Variants in ZCCHC14 observed in about 807,000 individuals in gnomAD.
The protein encoded by ZCCHC14 is zinc finger CCHC domain-containing protein 14.
Under a neutral mutation model 85.0 loss-of-function variants are expected in ZCCHC14, and 16 were observed. The ratio of observed to expected loss-of-function variants is 0.19; its 90% CI spans 0.13 to 0.29. ZCCHC14 has a LOEUF of 0.29. Ranked by LOEUF, ZCCHC14 falls within the 10% of genes least tolerant of loss-of-function variation. ZCCHC14 has a pLI of 1.00. For synonymous variants in ZCCHC14, 775 were observed against 630.7 expected (o/e 1.23, Z -3.43); for missense variants, 1,303 against 1,443.5 (o/e 0.90, Z 1.58).
chr16:87,489,102 T>C (rs1389833333), intron 1 of ZCCHC14, among the ~76,000 whole-genome samples: 1 of 152,012 alleles, frequency 6.6e-6, no homozygotes, highest in East Asian at 1.9e-4. Context: ...TTCATCTGAG[T>C]TGCATGCTCC....
intron 3 of ZCCHC14, among the ~76,000 whole-genome samples, chr16:87,428,643 G>A (rs1393046643): frequency 6.6e-6 from 1 of 152,176 alleles, no homozygotes; most frequent in Non-Finnish European, 1.5e-5. Flanking sequence ...GGGCACCTGT[G>A]AGCCATGCCC....
intron 2 of ZCCHC14, among the ~76,000 whole-genome samples, chr16:87,441,272 G>T (rs142955922): frequency 6.6e-6 from 1 of 152,172 alleles, no homozygotes; most frequent in African/African-American, 2.4e-5. Context: ...GATTACAGGC[G>T]TGAGCCACCA....
chr16:87,422,858 C>T (rs1169353859), intron 4 of ZCCHC14, among the ~76,000 whole-genome samples: 1 of 151,852 alleles, frequency 6.6e-6, no homozygotes, highest in East Asian at 1.9e-4. Context: ...CACACAGAGG[C>T]GAGGAGATTT....
chr16:87,424,985 C>G (rs1909293412), intron 3 of ZCCHC14, among the ~76,000 whole-genome samples: 1 of 152,154 alleles, frequency 6.6e-6, no homozygotes, highest in Non-Finnish European at 1.5e-5. Flanking sequence ...GGCACCCAAA[C>G]CACCTCTGCT....
rs1397025131 is a variant in ZCCHC14 at position 87,492,647 on chromosome 16, C to T, written c.-409G>A. ...CGGGAGGCGGCCGCCCCCATCTCCCCCCGCGCCGCAGGGTCTGTCACTGCG... is the reference window on the plus strand; with the variant it reads ...CGGGAGGCGGCCGCCCCCATCTCCCTCCGCGCCGCAGGGTCTGTCACTGCG... On this transcript the variant is annotated 5_prime_UTR_variant, in exon 1 of 13. Transcript: ENST00000671377. This position sits in a 1 kb window ranked among gnomAD's most constrained non-coding sequence, Gnocchi z 6.7. The T allele has an allele frequency of 2.1e-5, 3 of 145,936 alleles. No individual in the cohort carries two copies. The East Asian group carries it at 6.0e-4, about 29-fold the overall frequency. 9.0% of individuals were successfully genotyped at this position (145,936 alleles called of 1,614,324 possible).
chr16:87,419,891 A>G lies in ZCCHC14; in HGVS notation c.951-14T>C. On this transcript the variant is annotated splice_polypyrimidine_tract_variant and intron_variant, in intron 5 of 12. Coordinates refer to ENST00000671377, the MANE Select transcript of ZCCHC14 (RefSeq NM_015144.3). ...GAGGCCAGGTACCTAAAAGGCAAAC[A>G]AGTGGTCTTATCAACATTAAAATGG... 1.3e-6 allele frequency: 2 copies of G among 1,593,458 alleles called. No individual in the cohort carries two copies. The highest frequency in any genetic ancestry group is 1.7e-6 in the Non-Finnish European group (2 of 1,172,476).
At chr16:87,436,187 C>T (rs1440442360) in intron 2 of ZCCHC14, among the ~76,000 whole-genome samples, 3 of 152,256 alleles carry the variant, frequency 2.0e-5, no homozygotes, top group African/African-American at 7.2e-5. Context: ...AGTCATATTT[C>T]ATATCTGGAC....
At position 87,423,643 on chromosome 16, in the gene ZCCHC14, A is replaced by C. The variant is rs1909218988; in HGVS notation, c.840+167T>G. 2.0e-5 allele frequency among the ~76,000 whole-genome samples: 3 copies of C among 152,352 alleles called. No homozygotes were observed. The South Asian group carries it at 6.2e-4, about 32-fold the overall frequency. ...CGGACCTGTGCTCGCAGCAACGCTC[A>C]TGTCAGCAGCGGGCCTGGGACTCCA... On this transcript the variant is annotated intron_variant, in intron 4 of 12. Transcript: ENST00000671377.
intron 3 of ZCCHC14, among the ~76,000 whole-genome samples, chr16:87,426,211 C>G (rs143649893): frequency 6.6e-6 from 1 of 152,148 alleles, no homozygotes; most frequent in Non-Finnish European, 1.5e-5. Flanking sequence ...GCCGACTTGC[C>G]CCAGAGAGCC....
intron 9 of ZCCHC14, among the ~76,000 whole-genome samples, 200 bp from the exon 10 acceptor site, chr16:87,414,741 T>C (rs1908691641): frequency 6.6e-6 from 1 of 152,220 alleles, no homozygotes; most frequent in African/African-American, 2.4e-5. Flanking sequence ...AAATTTACTA[T>C]AAAGGTCCTT....
At chr16:87,429,648 C>T (rs1909551793) in intron 3 of ZCCHC14, among the ~76,000 whole-genome samples, 1 of 152,098 alleles carries the variant, frequency 6.6e-6, no homozygotes, top group Non-Finnish European at 1.5e-5. Flanking sequence ...CTTTTGTTGC[C>T]CAAGCTGGAG....
chr16:87,454,078 T>A (rs76129950), intron 2 of ZCCHC14, among the ~76,000 whole-genome samples: 2,464 of 152,128 alleles, frequency 0.016, 25 homozygotes, highest in Middle Eastern at 0.048. Flanking sequence ...GTACAAGAGC[T>A]TGAAGACAGA....
chr16:87,437,241 C>T (rs1399994135), intron 2 of ZCCHC14, among the ~76,000 whole-genome samples: 4 of 145,152 alleles, frequency 2.8e-5, no homozygotes, highest in Non-Finnish European at 3.0e-5. Context: ...GAGGCTGAGG[C>T]AGGAGAATCA....
At chr16:87,479,413 T>C (rs1257399187) in intron 1 of ZCCHC14, among the ~76,000 whole-genome samples, 4 of 127,556 alleles carry the variant, frequency 3.1e-5, no homozygotes, top group Admixed American at 8.0e-5. Flanking sequence ...CAAGACTACG[T>C]CTCAAAAAAA....
At chr16:87,439,209 C>T (rs1315431204) in intron 2 of ZCCHC14, among the ~76,000 whole-genome samples, 1 of 151,508 alleles carries the variant, frequency 6.6e-6, no homozygotes, top group Non-Finnish European at 1.5e-5. Flanking sequence ...TCTCAGTTCA[C>T]TGCAACCTCT....
At position 87,412,703 on chromosome 16, in the gene ZCCHC14, A is replaced by G; in HGVS notation, c.2018T>C (p.Leu673Pro). 3.7e-6 allele frequency: 6 copies of G among 1,614,196 alleles called. No homozygotes were observed. Among genetic ancestry groups the G allele is most frequent in the Non-Finnish European group, 5.1e-6 (6 of 1,180,038 alleles). ...LSSSVHSLLS[L>P]EERNKGSGPR... ...TCCAGATCCTTTATTCCTTTCTTCT[A>G]GAGACAAAAGTGAGTGCACAGAAGA... The change falls in exon 12 of 13, where the codon CTA becomes CCA. Residue 673 changes from leucine to proline, a missense_variant. Coordinates refer to ENST00000671377, the MANE Select transcript of ZCCHC14 (RefSeq NM_015144.3).
rs776767830 is a variant in ZCCHC14 at position 87,417,577 on chromosome 16, G to A, written c.1266C>T (p.Leu422=). The change falls in exon 8 of 13, where the codon CTC becomes CTT. Residue 422 remains leucine (L), a synonymous_variant. Coordinates refer to ENST00000671377, the MANE Select transcript of ZCCHC14 (RefSeq NM_015144.3). ...GAGGGGTCTGCAGACTGGAAGGCAT[G>A]AGGATGGCAGGTGATGTGTCCATCT... ...RTQMDTSPAI[L]MPSSLQTPQT... is the part of the protein sequence containing the mutation. 1.1e-5 allele frequency: 18 copies of A among 1,614,158 alleles called. No homozygotes were observed. The highest frequency in any genetic ancestry group is 2.2e-5 in the South Asian group (2 of 91,094).
chr16:87,417,771 A>G, intron 7 of ZCCHC14, 29 bp from the exon 8 acceptor site: 2 of 1,539,644 alleles, frequency 1.3e-6, no homozygotes, highest in Non-Finnish European at 1.7e-6. Flanking sequence ...AGGGACACAG[A>G]GAGACTGTGG....
At chr16:87,458,452 CAG>C (rs1401346967) in intron 2 of ZCCHC14, among the ~76,000 whole-genome samples, 1 of 152,174 alleles carries the variant, frequency 6.6e-6, no homozygotes, top group African/African-American at 2.4e-5. Context: ...GTTGCGACCT[CAG>C]GGGGTTGCTA....
Sources: allele counts gnomAD v4.1 joint callset (sites outside exome capture counted in the v4.1 genomes callset), GRCh38; gene constraint gnomAD v4.1.1; non-coding constraint Gnocchi (gnomAD v3.1); transcripts MANE v1.5; gene names NCBI Gene and HGNC (gene_info 2026-07-23, HGNC 2026-07-21).